DLG1: variants seen among roughly 807,000 people sequenced by gnomAD.
The protein encoded by DLG1 is disks large homolog 1.
DLG1 carries 42 observed loss-of-function variants against 123.4 expected under a neutral mutation model. The observed-to-expected ratio is 0.34, with a 90% CI of 0.27 to 0.44. DLG1 has a LOEUF of 0.44. DLG1 is among the 20% of genes least tolerant of loss of function. The pLI is 1.00. For synonymous variants in DLG1, 317 were observed against 356.2 expected (o/e 0.89, Z 1.24); for missense variants, 942 against 1,082.6 (o/e 0.87, Z 1.82).
intron 5 of DLG1, among the ~76,000 whole-genome samples, chr3:197,154,492 A>G (rs1577181023): frequency 6.6e-6 from 1 of 151,760 alleles, no homozygotes; most frequent in East Asian, 1.9e-4. Context: ...TGGCTAACAC[A>G]GTGAAACCCC....
Position 197,081,066 on chromosome 3 carries a change from T to C in DLG1, c.1890A>G (p.Lys630=). The C allele has an allele frequency of 6.2e-7, 1 of 1,613,336 alleles. No homozygotes were observed. Among genetic ancestry groups the C allele is most frequent in the South Asian group, 1.1e-5 (1 of 91,008 alleles). ...AAATACTCACCCCTTTATCTCTCGT[T>C]TTAGAATTGAATTTCACTGTTTTTA... is the stretch of plus-strand genomic sequence containing the variant. ...ARLKTVKFNS[K]TRDKGQSFND... is the part of the protein sequence containing the mutation. Residue 630 remains lysine, a synonymous_variant, in exon 17 of 25, where the codon AAA becomes AAG. Transcript: ENST00000667157.
At chr3:197,140,845 A>G (rs1787594328) in intron 7 of DLG1, among the ~76,000 whole-genome samples, 1 of 152,236 alleles carries the variant, frequency 6.6e-6, no homozygotes, top group South Asian at 2.1e-4. Context: ...AGCAAAAGGC[A>G]TTGTTTCACA....
At chr3:197,261,482 T>G (rs1055971113) in intron 4 of DLG1, among the ~76,000 whole-genome samples, 9 of 152,342 alleles carry the variant, frequency 5.9e-5, no homozygotes, top group African/African-American at 2.2e-4. Flanking sequence ...AACAAATTTT[T>G]AATGCATAAT....
chr3:197,148,987 T>C (rs1025540418), intron 6 of DLG1, among the ~76,000 whole-genome samples: 2 of 152,222 alleles, frequency 1.3e-5, no homozygotes, highest in Non-Finnish European at 2.9e-5. Flanking sequence ...GATGTATTAA[T>C]TGTTTTAATT....
intron 13 of DLG1, among the ~76,000 whole-genome samples, chr3:197,108,301 T>C (rs1767770687): frequency 6.6e-6 from 1 of 152,214 alleles, no homozygotes; most frequent in Non-Finnish European, 1.5e-5. Flanking sequence ...AGGATAATAC[T>C]GGCCACACAG....
At chr3:197,102,365 A>ATG (rs1255744127) in intron 14 of DLG1, among the ~76,000 whole-genome samples, 2 of 152,212 alleles carry the variant, frequency 1.3e-5, no homozygotes, top group African/African-American at 4.8e-5. Flanking sequence ...ATGTATATAT[A>ATG]TAAGATTATC....
chr3:197,297,601 G>A (rs894183792), intron 1 of DLG1: 3 of 1,017,822 alleles, frequency 2.9e-6, no homozygotes, highest in Non-Finnish European at 3.5e-6. Flanking sequence ...AGCCAGCAGC[G>A]GCCGCAGAGC....
At chr3:197,216,173 T>C (rs1445409990) in intron 4 of DLG1, among the ~76,000 whole-genome samples, 3 of 152,274 alleles carry the variant, frequency 2.0e-5, no homozygotes, top group South Asian at 2.1e-4. Context: ...TTTTTACATA[T>C]GAATAAAATT....
At chr3:197,199,852 AT>A (rs1267709737) in intron 4 of DLG1, among the ~76,000 whole-genome samples, 2 of 152,196 alleles carry the variant, frequency 1.3e-5, no homozygotes, top group East Asian at 3.8e-4. Flanking sequence ...CCTAACACTT[AT>A]ACTAAAAAGA....
chr3:197,231,061 T>C (rs186162481), intron 4 of DLG1, among the ~76,000 whole-genome samples: 4 of 152,344 alleles, frequency 2.6e-5, no homozygotes, highest in Non-Finnish European at 5.9e-5. Flanking sequence ...TCACTGATAA[T>C]TTCAACATTA....
intron 4 of DLG1, among the ~76,000 whole-genome samples, chr3:197,224,875 T>C (rs1045473781): frequency 2.6e-5 from 4 of 152,206 alleles, no homozygotes; most frequent in African/African-American, 7.2e-5. Flanking sequence ...TTCAAAACAA[T>C]ACCTCAAAAT....
chr3:197,152,426 T>C (rs1794367534), intron 5 of DLG1, among the ~76,000 whole-genome samples: 1 of 147,384 alleles, frequency 6.8e-6, no homozygotes, highest in African/African-American at 2.5e-5. Flanking sequence ...AGTCTTTTTT[T>C]TTTTTTTTTT....
chr3:197,162,638 G>A lies in DLG1; in HGVS notation c.484-12842C>T, dbSNP rs116741946. On this transcript the variant is annotated intron_variant, in intron 5 of 24. Coordinates refer to ENST00000667157, the MANE Select transcript of DLG1 (RefSeq NM_001366207.1). ...TGTATGGAGTCTCTTCAACAATGGTGCTGAGACAACTGGATATCCACATGC... is the reference window on the plus strand; with the variant it reads ...TGTATGGAGTCTCTTCAACAATGGTACTGAGACAACTGGATATCCACATGC... Among the ~76,000 whole-genome samples the A allele has an allele frequency of 8.4e-3, 1,286 of 152,250 alleles. 18 individuals carry two copies. Among genetic ancestry groups the A allele is most frequent in the African/African-American group, 0.029 (1,218 of 41,548 alleles).
At chr3:197,101,036 C>T (rs566419008) in intron 14 of DLG1, among the ~76,000 whole-genome samples, 1 of 152,256 alleles carries the variant, frequency 6.6e-6, no homozygotes, top group South Asian at 2.1e-4. Flanking sequence ...CACAAGCTAG[C>T]TTCAGTATTT....
Position 197,091,760 on chromosome 3 carries a change from C to CTTTTTTTTTCCCCTCTATTTATA in DLG1, c.1547-735_1547-734insTATAAATAGAGGGGAAAAAAAAA, listed in dbSNP as rs1396754892. Among the ~76,000 whole-genome samples, 4 of 152,116 alleles carry CTTTTTTTTTCCCCTCTATTTATA rather than the reference C, an allele frequency of 2.6e-5. No homozygotes were observed. The East Asian group carries it at 7.7e-4, about 29-fold the overall frequency. ...AATATTGCAGTTACATGGTTATAAA[C>CTTTTTTTTTCCCCTCTATTTATA]ACATATCTTTTTTCCCCTCTATTTA... On this transcript the variant is annotated intron_variant, in intron 14 of 24. Coordinates refer to ENST00000667157, the MANE Select transcript of DLG1 (RefSeq NM_001366207.1).
chr3:197,245,900 TGG>T lies in DLG1; in HGVS notation c.318+36777_318+36778del, dbSNP rs34147802. Among the ~76,000 whole-genome samples the T allele has an allele frequency of 1.7e-3, 148 of 85,398 alleles. 4 individuals are homozygous for T. The highest frequency in any genetic ancestry group is 6.3e-3 in the African/African-American group (133 of 20,982). The allele number at this position is 85,398 out of a possible 152,430, so 56.0% of individuals were successfully genotyped here. A position where few individuals can be genotyped will look rare whatever the true frequency, so the allele number is the denominator to read the frequency against. On this transcript the variant is annotated intron_variant, in intron 4 of 24. Transcript: ENST00000667157. The stretch of plus-strand genomic sequence containing the variant: ...GACATGGACAATACTTTTTTTTTTT[TGG>T]GGGGGGGGGAGGTGGCAAATGAAGG...
At chr3:197,105,151 AAT>A in intron 13 of DLG1, 146 bp from the exon 14 acceptor site, 2 of 539,014 alleles carry the variant, frequency 3.7e-6, no homozygotes, top group Non-Finnish European at 6.6e-6. Flanking sequence ...ATTGACTAAA[AAT>A]ATATTGTGTA....
At chr3:197,195,484 C>T (rs1448030935) in intron 4 of DLG1, among the ~76,000 whole-genome samples, 1 of 151,990 alleles carries the variant, frequency 6.6e-6, no homozygotes, top group Non-Finnish European at 1.5e-5. Flanking sequence ...ACCAAGATAC[C>T]CACCAATGGT....
chr3:197,112,014 C>G (rs1028137477), intron 13 of DLG1, among the ~76,000 whole-genome samples: 1 of 152,090 alleles, frequency 6.6e-6, no homozygotes, highest in African/African-American at 2.4e-5. Flanking sequence ...TGGGTAAAAC[C>G]TGGGTGATAA....
Sources: allele counts gnomAD v4.1 joint callset (sites outside exome capture counted in the v4.1 genomes callset), GRCh38; gene constraint gnomAD v4.1.1; transcripts MANE v1.5; gene names NCBI Gene and HGNC (gene_info 2026-07-23, HGNC 2026-07-21).